Variants in ENAH observed in about 807,000 individuals in gnomAD.
ENAH encodes protein enabled homolog.
Under a neutral mutation model 78.7 loss-of-function variants are expected in ENAH, and 23 were observed. The observed-to-expected ratio is 0.29, with a 90% CI of 0.21 to 0.41. ENAH has a LOEUF of 0.41. ENAH is among the 10% of genes least tolerant of loss of function. The pLI is 1.00. For synonymous variants in ENAH, 226 were observed against 241.0 expected (o/e 0.94, Z 0.58); for missense variants, 544 against 691.0 (o/e 0.79, Z 2.39).
At chr1:225,643,052 C>A (rs1454619691) in intron 1 of ENAH, among the ~76,000 whole-genome samples, 2 of 152,186 alleles carry the variant, frequency 1.3e-5, no homozygotes, top group Non-Finnish European at 2.9e-5. Flanking sequence ...TTATTATTCA[C>A]TCAAATACTT....
At chr1:225,580,636 T>C (rs932867651) in intron 1 of ENAH, among the ~76,000 whole-genome samples, 2 of 152,102 alleles carry the variant, frequency 1.3e-5, no homozygotes, top group African/African-American at 2.4e-5. Context: ...CTACTTAAGA[T>C]TGGGCCGGGT....
At chr1:225,510,581 TA>T (rs1340566693) in intron 10 of ENAH, among the ~76,000 whole-genome samples, 2 of 151,670 alleles carry the variant, frequency 1.3e-5, no homozygotes, top group African/African-American at 4.8e-5. Flanking sequence ...GCCATGATGT[TA>T]ATTATGGTAT....
chr1:225,522,745 A>C (rs1558752464), intron 4 of ENAH, among the ~76,000 whole-genome samples: 1 of 152,210 alleles, frequency 6.6e-6, no homozygotes, highest in Non-Finnish European at 1.5e-5. Context: ...TTTACATATA[A>C]TGCTCTAAGC....
intron 1 of ENAH, among the ~76,000 whole-genome samples, chr1:225,615,851 G>T (rs532067066): frequency 6.6e-6 from 1 of 151,544 alleles, no homozygotes; most frequent in African/African-American, 2.4e-5. Flanking sequence ...CATTGAGAAC[G>T]GGCCATGATG....
At chr1:225,571,265 C>A (rs969761846) in intron 1 of ENAH, among the ~76,000 whole-genome samples, 2 of 151,828 alleles carry the variant, frequency 1.3e-5, no homozygotes, top group African/African-American at 2.4e-5. Flanking sequence ...CCCAGCTACT[C>A]GAGTGGCTGA....
chr1:225,515,143 C>A, intron 6 of ENAH: 4 of 439,170 alleles, frequency 9.1e-6, no homozygotes, highest in Non-Finnish European at 1.2e-5. Context: ...TGCAACAGAT[C>A]ATCTAATTAA....
chr1:225,499,995 C>A (rs1240682832), intron 12 of ENAH, among the ~76,000 whole-genome samples: 1 of 152,176 alleles, frequency 6.6e-6, no homozygotes, highest in African/African-American at 2.4e-5. Flanking sequence ...ATCTCATCCC[C>A]CAAATCAAAT....
intron 5 of ENAH, 84 bp from the exon 6 acceptor site, chr1:225,517,390 C>T (rs1575371352): frequency 6.4e-7 from 1 of 1,551,700 alleles, no homozygotes; most frequent in Middle Eastern, 1.7e-4. Flanking sequence ...AGCTTGAGAT[C>T]CACAGTGTGA....
intron 2 of ENAH, among the ~76,000 whole-genome samples, chr1:225,555,386 T>C (rs1274779004): frequency 1.3e-5 from 2 of 152,012 alleles, no homozygotes; most frequent in South Asian, 4.2e-4. Flanking sequence ...ATTGAGACCA[T>C]CCTGGCTAAC....
At chr1:225,576,035 G>T (rs547381902) in intron 1 of ENAH, among the ~76,000 whole-genome samples, 1 of 152,156 alleles carries the variant, frequency 6.6e-6, no homozygotes, top group East Asian at 1.9e-4. Flanking sequence ...TCATCACTCT[G>T]CACTGTTCTG....
intron 10 of ENAH, among the ~76,000 whole-genome samples, chr1:225,509,439 G>A (rs2096359511): frequency 6.6e-6 from 1 of 152,164 alleles, no homozygotes; most frequent in Non-Finnish European, 1.5e-5. Flanking sequence ...TCTTAAAAGG[G>A]CTCATCTGGT....
rs200650081 is a variant in ENAH, at chr1:225,519,306, G to T, written c.694C>A (p.Arg232=). The T allele has an allele frequency of 1.2e-6, 2 of 1,612,742 alleles. No individual in the cohort carries two copies. Among genetic ancestry groups the T allele is most frequent in the Non-Finnish European group, 8.5e-7 (1 of 1,179,728 alleles). The change falls in exon 5 of 14, where the codon CGA becomes AGA. Residue 232 remains arginine (R), a synonymous_variant. Transcript: ENST00000366843. ...CGTTCCAGTCTCTCCAGCCTCTCTC[G>T]TTCTTGTCTTTCTTGCCTCTCCCGA... ...LDRERQERQE[R]ERLERLERER... is the part of the protein sequence containing the mutation.
intron 8 of ENAH, 50 bp downstream of exon 8, chr1:225,512,821 A>G: frequency 6.2e-7 from 1 of 1,609,440 alleles, no homozygotes; most frequent in African/African-American, 1.3e-5. Context: ...TTGGAATACA[A>G]TTAAAATCCT....
At position 225,519,459 on chromosome 1, in the gene ENAH, G is replaced by T; in HGVS notation, c.541C>A (p.Leu181Met). The change falls in exon 5 of 14, where the codon CTG becomes ATG. Residue 181 changes from leucine to methionine, a missense_variant. Physicochemically the swap from Leu to Met is conservative, Grantham distance 15. Around this residue, in one of 4 missense-constraint regions of ENAH, gnomAD observed 366 missense variants for 396.1 expected, o/e 0.92. Coordinates refer to ENST00000366843, the MANE Select transcript of ENAH (RefSeq NM_018212.6). ...TCTTGTTCCAGTCGCTCCCTCTCCA[G>T]CCTTTCCCTTTCTAACCTCTCTCTC... ...LERERLERER[L>M]ERERLEQEQL... The T allele has an allele frequency of 6.2e-7, 1 of 1,611,482 alleles. No homozygotes were observed. The highest frequency in any genetic ancestry group is 8.5e-7 in the Non-Finnish European group (1 of 1,178,910).
intron 1 of ENAH, among the ~76,000 whole-genome samples, chr1:225,649,825 A>G (rs1003336217): frequency 1.7e-4 from 26 of 152,220 alleles, no homozygotes; most frequent in African/African-American, 5.5e-4. Context: ...AGATACCACT[A>G]ATAGTTATAC....
chr1:225,521,496 C>G (rs944078836), intron 4 of ENAH, among the ~76,000 whole-genome samples: 4 of 151,908 alleles, frequency 2.6e-5, no homozygotes, highest in African/African-American at 9.7e-5. Flanking sequence ...CAAAAATTAG[C>G]TGGGCGTGGT....
At chr1:225,544,769 T>C (rs987903749) in intron 3 of ENAH, among the ~76,000 whole-genome samples, 5 of 152,206 alleles carry the variant, frequency 3.3e-5, no homozygotes, top group African/African-American at 9.7e-5. Context: ...ATGTATTTAT[T>C]GTAATTTAGT....
rs1435381002 is a variant in ENAH, at chr1:225,567,419, A to T, written c.6-5T>A. 6 of 1,596,992 alleles carry T rather than the reference A, an allele frequency of 3.8e-6. No homozygotes were observed. The highest frequency in any genetic ancestry group is 5.1e-6 in the Non-Finnish European group (6 of 1,172,286). ...GCCTGACAGATACTCTGTTCACTGT[A>T]AAAAATAAAATAAAATATTCAAACT... On this transcript the variant is annotated splice_region_variant and splice_polypyrimidine_tract_variant and intron_variant, in intron 1 of 13. Coordinates refer to ENST00000366843, the MANE Select transcript of ENAH (RefSeq NM_018212.6).
intron 1 of ENAH, among the ~76,000 whole-genome samples, chr1:225,638,387 G>C (rs1660435327): frequency 6.6e-6 from 1 of 151,972 alleles, no homozygotes; most frequent in South Asian, 2.1e-4. Flanking sequence ...TTGAACTCTT[G>C]GGCTCAACTG....
Sources: gnomAD v4.1 joint callset for allele counts (sites outside exome capture counted in the v4.1 genomes callset) on GRCh38, gnomAD v4.1.1 for gene constraint, gnomAD v4.1.1 regional missense constraint, MANE v1.5 for transcripts, NCBI Gene and HGNC (gene_info 2026-07-23, HGNC 2026-07-21) for gene names.